Variants in GRID2 observed in about 807,000 individuals in gnomAD.
GRID2 encodes the protein glutamate ionotropic receptor delta type subunit 2, also known as glutamate receptor ionotropic, delta-2.
A neutral mutation model predicts 114.8 loss-of-function variants in GRID2; 33 were observed. The ratio of observed to expected loss-of-function variants is 0.29; its 90% CI spans 0.22 to 0.38. GRID2 has a LOEUF of 0.38. Among genes scored for constraint, GRID2 ranks in the 10% least tolerant of loss-of-function variants. GRID2 has a pLI of 1.00. For synonymous variants in GRID2, 505 were observed against 449.9 expected, an observed-to-expected ratio of 1.12 and a Z score of -1.55; for missense variants, 1,184 against 1,257.7, an observed-to-expected ratio of 0.94 and a Z score of 0.89.
intron 11 of GRID2, among the ~76,000 whole-genome samples, chr4:93,464,705 A>C (rs1724105961): frequency 6.6e-6 from 1 of 152,278 alleles, no homozygotes; most frequent in South Asian, 2.1e-4. Flanking sequence ...TTTGTGTCAA[A>C]ATTTAACAAA....
rs1350603832 is a variant in GRID2, at chr4:93,718,552, TTTG to T, written c.2361-50655_2361-50653del. The stretch of plus-strand genomic sequence containing the variant: ...CCATGAAGGTAGGAATTTTTTCTTT[TTTG>T]TTTGATGATTCATCCAAAGCACCTA... On this transcript the variant is annotated intron_variant, in intron 14 of 15. Coordinates refer to ENST00000282020, the MANE Select transcript of GRID2 (RefSeq NM_001510.4). 1.3e-5 allele frequency among the ~76,000 whole-genome samples: 2 copies of T among 151,888 alleles called. 1 individual carries two copies. Among genetic ancestry groups the T allele is most frequent in the Admixed American group, 1.3e-4 (2 of 15,268 alleles).
chr4:92,309,294 A>G (rs1410693617), intron 1 of GRID2, among the ~76,000 whole-genome samples: 1 of 151,962 alleles, frequency 6.6e-6, no homozygotes, highest in Non-Finnish European at 1.5e-5. Context: ...ACACTTTTTA[A>G]TCCAGAAGTT....
chr4:92,370,578 C>G (rs1165687014), intron 1 of GRID2, among the ~76,000 whole-genome samples: 2 of 151,898 alleles, frequency 1.3e-5, no homozygotes, highest in African/African-American at 4.8e-5. Context: ...TTGTGAGACT[C>G]CATCTCAACA....
intron 2 of GRID2, among the ~76,000 whole-genome samples, chr4:92,980,955 G>T (rs1754174600): frequency 6.6e-6 from 1 of 151,876 alleles, no homozygotes; most frequent in African/African-American, 2.4e-5. Flanking sequence ...CAAGTCTCAA[G>T]GGCAGTCATA....
intron 1 of GRID2, among the ~76,000 whole-genome samples, chr4:93,780,323 G>T (rs1016155177): frequency 1.3e-5 from 2 of 152,180 alleles, no homozygotes; most frequent in African/African-American, 4.8e-5. Flanking sequence ...CAATACAAAG[G>T]CTCTGAGGTG....
intron 2 of GRID2, among the ~76,000 whole-genome samples, chr4:93,021,544 A>T (rs973772549): frequency 2.0e-5 from 3 of 146,704 alleles, no homozygotes; most frequent in African/African-American, 7.4e-5. Context: ...TAAAAAATGA[A>T]TGAAAACAAA....
chr4:92,793,049 G>T (rs1739672056), intron 2 of GRID2, among the ~76,000 whole-genome samples: 1 of 151,578 alleles, frequency 6.6e-6, no homozygotes, highest in African/African-American at 2.4e-5. Flanking sequence ...GAGTAATTAA[G>T]ATTTTTTATA....
At chr4:92,584,505 T>A (rs193046558) in intron 1 of GRID2, among the ~76,000 whole-genome samples, 22 of 152,106 alleles carry the variant, frequency 1.4e-4, no homozygotes, top group African/African-American at 4.8e-4. Flanking sequence ...GGCAGAAGGT[T>A]GCACTTTTTT....
intron 1 of GRID2, among the ~76,000 whole-genome samples, chr4:92,470,787 A>G (rs776796792): frequency 2.0e-5 from 3 of 152,032 alleles, no homozygotes; most frequent in Non-Finnish European, 4.4e-5. Context: ...TGTGTCAGTT[A>G]TGACTCATAA....
Position 92,573,268 on chromosome 4 carries a change from T to C in GRID2, c.89-16863T>C, listed in dbSNP as rs117837330. Among the ~76,000 whole-genome samples, 86 of 152,272 alleles carry C rather than the reference T, an allele frequency of 5.6e-4. No individual in the cohort carries two copies. The East Asian group carries it at 0.016, about 29-fold the overall frequency. ...ATTTTATTTTTTTCAAAAAAACAGC[T>C]TCTGGATTTCAGTTTTCGAAGGGTT... On this transcript the variant is annotated intron_variant, in intron 1 of 15. Coordinates refer to ENST00000282020, the MANE Select transcript of GRID2 (RefSeq NM_001510.4).
At chr4:93,009,581 A>G (rs1038177990) in intron 2 of GRID2, among the ~76,000 whole-genome samples, 1 of 152,126 alleles carries the variant, frequency 6.6e-6, no homozygotes, top group African/African-American at 2.4e-5. Context: ...AGTAATTTGA[A>G]TTAAATCTCC....
chr4:93,702,419 A>G (rs2110142501), intron 14 of GRID2, among the ~76,000 whole-genome samples: 1 of 152,256 alleles, frequency 6.6e-6, no homozygotes, highest in Middle Eastern at 3.4e-3. Flanking sequence ...AGGTAGCTCT[A>G]GTTCATTCAC....
intron 2 of GRID2, among the ~76,000 whole-genome samples, chr4:92,775,479 C>T (rs1399042824): frequency 6.6e-6 from 1 of 152,100 alleles, no homozygotes; most frequent in Non-Finnish European, 1.5e-5. Flanking sequence ...AAGTCTATGC[C>T]TAGAGCAGAC....
intron 13 of GRID2, among the ~76,000 whole-genome samples, chr4:93,578,587 A>T (rs111422257): frequency 0.01 from 853 of 83,838 alleles, 16 homozygotes; most frequent in African/African-American, 0.031. Flanking sequence ...TGTTTTTTGT[A>T]TTTTTTTTTT....
chr4:93,042,822 A>G (rs1265473981), intron 2 of GRID2, among the ~76,000 whole-genome samples: 2 of 151,374 alleles, frequency 1.3e-5, no homozygotes, highest in Non-Finnish European at 2.9e-5. Flanking sequence ...TTTTACATGA[A>G]AGAGACCATA....
intron 1 of GRID2, among the ~76,000 whole-genome samples, chr4:93,786,733 A>G (rs1360093720): frequency 6.6e-6 from 1 of 152,232 alleles, no homozygotes; most frequent in Non-Finnish European, 1.5e-5. Context: ...ACATGGCAGA[A>G]CTGATGTACA....
chr4:92,606,331 G>A (rs112771470), intron 2 of GRID2, among the ~76,000 whole-genome samples: 15 of 151,306 alleles, frequency 9.9e-5, no homozygotes, highest in South Asian at 6.3e-4. Flanking sequence ...TCTTATTAGC[G>A]TTTTACAGAT....
chr4:93,674,611 G>A (rs35719736), intron 14 of GRID2, among the ~76,000 whole-genome samples: 4,602 of 150,568 alleles, frequency 0.031, 108 homozygotes, highest in African/African-American at 0.062. Flanking sequence ...GAGGCATAAC[G>A]GTGCTTTTTT....
intron 8 of GRID2, among the ~76,000 whole-genome samples, chr4:93,295,392 G>A (rs1754184401): frequency 6.6e-6 from 1 of 152,162 alleles, no homozygotes; most frequent in African/African-American, 2.4e-5. Context: ...TATCCTCAAT[G>A]CCAAATGTAT....
Sources: allele counts gnomAD v4.1 joint callset (sites outside exome capture counted in the v4.1 genomes callset), GRCh38; gene constraint gnomAD v4.1.1; transcripts MANE v1.5; gene names NCBI Gene and HGNC (gene_info 2026-07-23, HGNC 2026-07-21).